Variants in ECPAS observed in about 807,000 individuals in gnomAD.
ECPAS encodes the protein proteasome adapter and scaffold protein ECM29.
A neutral mutation model predicts 255.1 loss-of-function variants in ECPAS; 70 were observed. That is an observed-to-expected ratio of 0.27 (90% CI 0.23 to 0.33). ECPAS has a LOEUF of 0.33. ECPAS is among the 10% of genes least tolerant of loss of function. The probability of loss-of-function intolerance (pLI) is 1.00; values close to 1 mark genes in which losing one functional copy is unlikely to be tolerated. For missense variants in ECPAS, 1,817 were observed against 2,206.4 expected (o/e 0.82, Z 3.54); for synonymous variants, 784 against 775.0 (o/e 1.01, Z -0.19).
chr9:111,449,006 C>A (rs2098256809), intron 3 of ECPAS, among the ~76,000 whole-genome samples: 1 of 151,964 alleles, frequency 6.6e-6, no homozygotes, highest in Non-Finnish European at 1.5e-5. Context: ...TTCAAAAGCC[C>A]TGGGTTCAAA....
intron 7 of ECPAS, among the ~76,000 whole-genome samples, chr9:111,434,679 T>G (rs1026741250): frequency 6.8e-5 from 10 of 148,140 alleles, no homozygotes; most frequent in African/African-American, 2.5e-4. Flanking sequence ...AACCTCTGCC[T>G]CCTGGGTTCA....
chr9:111,388,949 T>TA (rs1316206819), intron 31 of ECPAS, among the ~76,000 whole-genome samples: 2 of 152,252 alleles, frequency 1.3e-5, no homozygotes, highest in African/African-American at 2.4e-5. Context: ...AATTTTCAAG[T>TA]AAACAGTTAC....
chr9:111,464,212 C>T lies in ECPAS; in HGVS notation c.22+8685G>A, dbSNP rs977000490. Among the ~76,000 whole-genome samples the T allele has an allele frequency of 6.6e-5, 10 of 150,710 alleles. 1 individual carries two copies. Among genetic ancestry groups the T allele is most frequent in the African/African-American group, 2.4e-4 (10 of 40,884 alleles). ...CTTTAGGAGGCTGAGGTAGTCAGATCGCTTGAGCTCAGGAGTTCAAGACCA... is the reference window on the plus strand; with the variant it reads ...CTTTAGGAGGCTGAGGTAGTCAGATTGCTTGAGCTCAGGAGTTCAAGACCA... On this transcript the variant is annotated intron_variant, in intron 2 of 49. Transcript: ENST00000684092.
chr9:111,446,884 C>G (rs2098253779), intron 3 of ECPAS, among the ~76,000 whole-genome samples: 1 of 152,150 alleles, frequency 6.6e-6, no homozygotes, highest in Admixed American at 6.5e-5. Context: ...TGATACCTTC[C>G]AAGAAGCTAG....
At chr9:111,366,762 A>T (rs1589107442) in intron 46 of ECPAS, 135 bp from the exon 47 acceptor site, 1 of 626,258 alleles carries the variant, frequency 1.6e-6, no homozygotes, top group East Asian at 2.8e-5. Flanking sequence ...GGAGGATAAG[A>T]GAGAGAAAAG....
intron 7 of ECPAS, 82 bp from the exon 8 acceptor site, chr9:111,433,454 G>T: frequency 6.9e-7 from 1 of 1,456,426 alleles, no homozygotes; most frequent in Non-Finnish European, 9.5e-7. Context: ...ACATATCAGT[G>T]TGGTCACAAG....
chr9:111,404,966 T>C (rs560839143), intron 24 of ECPAS, among the ~76,000 whole-genome samples: 1 of 149,638 alleles, frequency 6.7e-6, no homozygotes, highest in African/African-American at 2.5e-5. Flanking sequence ...AATCGTATTA[T>C]TAAAATTTCC....
At chr9:111,478,374 AAAAT>A (rs2098299240) in intron 1 of ECPAS, among the ~76,000 whole-genome samples, 2 of 151,976 alleles carry the variant, frequency 1.3e-5, no homozygotes, top group Non-Finnish European at 2.9e-5. Context: ...TAAAAATACA[AAAAT>A]AAGTCAGGCG....
At chr9:111,453,262 G>C (rs1165867175) in intron 2 of ECPAS, among the ~76,000 whole-genome samples, 1 of 151,902 alleles carries the variant, frequency 6.6e-6, no homozygotes. Context: ...TAAAGAAATG[G>C]AACATGGAAC....
intron 20 of ECPAS, among the ~76,000 whole-genome samples, chr9:111,413,309 C>T (rs956148716): frequency 3.3e-5 from 5 of 152,112 alleles, no homozygotes; most frequent in Non-Finnish European, 5.9e-5. Flanking sequence ...ACAATAAAAA[C>T]TGAGGCTGTT....
At chr9:111,429,081 T>C (rs2098225976) in intron 9 of ECPAS, among the ~76,000 whole-genome samples, 1 of 152,198 alleles carries the variant, frequency 6.6e-6, no homozygotes, top group Non-Finnish European at 1.5e-5. Context: ...AGCTAACTTT[T>C]ATCATTGCCA....
chr9:111,474,358 C>T (rs1180561452), intron 1 of ECPAS, among the ~76,000 whole-genome samples: 7 of 152,152 alleles, frequency 4.6e-5, no homozygotes. Context: ...CTTCAACAAC[C>T]CTCATCTCGT....
At chr9:111,427,242 T>C (rs2098223155) in intron 10 of ECPAS, among the ~76,000 whole-genome samples, 1 of 151,804 alleles carries the variant, frequency 6.6e-6, no homozygotes, top group Admixed American at 6.6e-5. Context: ...AAAAGAATAC[T>C]GCAATAACCA....
intron 1 of ECPAS, among the ~76,000 whole-genome samples, chr9:111,475,171 G>GAC (rs1412916902): frequency 6.6e-6 from 1 of 152,102 alleles, no homozygotes; most frequent in Non-Finnish European, 1.5e-5. Context: ...GCCCTCTGAG[G>GAC]ACAGCACCAT....
At chr9:111,406,775 A>G (rs1381051285) in intron 24 of ECPAS, among the ~76,000 whole-genome samples, 2 of 149,106 alleles carry the variant, frequency 1.3e-5, no homozygotes, top group Non-Finnish European at 2.9e-5. Context: ...ATGGTGGCGC[A>G]TGCCTGTGGT....
chr9:111,468,808 C>CT, intron 2 of ECPAS, among the ~76,000 whole-genome samples: 1 of 151,572 alleles, frequency 6.6e-6, no homozygotes, highest in Non-Finnish European at 1.5e-5. Context: ...AAATATCAGG[C>CT]TGGAAGGTAG....
chr9:111,455,261 G>T (rs973039510), intron 2 of ECPAS, among the ~76,000 whole-genome samples: 1 of 152,200 alleles, frequency 6.6e-6, no homozygotes, highest in African/African-American at 2.4e-5. Flanking sequence ...AAGGAGGGCA[G>T]ATCATGAGGT....
chr9:111,383,747 C>A (rs2098143550), intron 34 of ECPAS, among the ~76,000 whole-genome samples: 2 of 151,902 alleles, frequency 1.3e-5, no homozygotes, highest in Non-Finnish European at 2.9e-5. Context: ...ATGAAGAGAC[C>A]CTGTCTCTAC....
At chr9:111,393,655 T>C in intron 27 of ECPAS, 25 bp downstream of exon 27, 1 of 1,433,268 alleles carries the variant, frequency 7.0e-7, no homozygotes, top group East Asian at 2.3e-5. Flanking sequence ...CAATTAAGTT[T>C]AGAAATCAAA....
Sources: allele counts gnomAD v4.1 joint callset (sites outside exome capture counted in the v4.1 genomes callset), GRCh38; gene constraint gnomAD v4.1.1; transcripts MANE v1.5; gene names NCBI Gene and HGNC (gene_info 2026-07-23, HGNC 2026-07-21).